KLK2: variants seen among roughly 807,000 people sequenced by gnomAD.
The protein encoded by KLK2 is kallikrein-2.
Under a neutral mutation model 23.0 loss-of-function variants are expected in KLK2, and 17 were observed. The observed-to-expected ratio is 0.74, with a 90% confidence interval of 0.51 to 1.11. The LOEUF (loss-of-function observed/expected upper bound fraction) is 1.11. KLK2 is among the 50% of genes least tolerant of loss of function. The pLI is 0.00. For missense variants in KLK2, 330 were observed against 325.9 expected, an observed-to-expected ratio of 1.01 and a Z score of -0.10; for synonymous variants, 140 against 124.7, an observed-to-expected ratio of 1.12 and a Z score of -0.82.
Position 50,873,505 on chromosome 19 carries a change from C to T in KLK2, c.32C>T (p.Ser11Phe), listed in dbSNP as rs774136702. Residue 11 changes from serine to phenylalanine, a missense_variant, in exon 1 of 5, where the codon TCT (serine) becomes TTT (phenylalanine). Coordinates refer to ENST00000325321, the MANE Select transcript of KLK2 (RefSeq NM_005551.5). MWDLVLSIAL[S>F]VGCTGAVPLI... Reference sequence around the variant, plus strand: ...GACCTGGTTCTCTCCATCGCCTTGTCTGTGGGGTGCACTGGTGAGATTGGG... The same window carrying T: ...GACCTGGTTCTCTCCATCGCCTTGTTTGTGGGGTGCACTGGTGAGATTGGG... The T allele has an allele frequency of 2.3e-5, 37 of 1,601,210 alleles. No individual in the cohort carries two copies. Among genetic ancestry groups the T allele is most frequent in the Non-Finnish European group, 2.7e-5 (32 of 1,172,412 alleles).
intron 2 of KLK2, 45 bp from the exon 3 acceptor site, chr19:50,876,427 T>G (rs2123480571): frequency 6.3e-7 from 1 of 1,585,112 alleles, no homozygotes; most frequent in South Asian, 1.1e-5. Context: ...CATCTACCTT[T>G]CCCCATTTTC....
At position 50,878,737 on chromosome 19, in the gene KLK2, G is replaced by A; in HGVS notation, c.*178G>A. ...TGGAGTCCAGGGCTGCTAGGAAAAG[G>A]AATGGGCAGACACAGGTGTATGCCA... On this transcript the variant is annotated 3_prime_UTR_variant, in exon 5 of 5. Transcript: ENST00000325321. 1 of 563,728 alleles carries A rather than the reference G, an allele frequency of 1.8e-6. No homozygotes were observed. 34.9% of individuals were successfully genotyped at this position (563,728 alleles called of 1,614,324 possible).
Position 50,879,161 on chromosome 19 carries a change from TC to T in KLK2, c.*607del. ...ATTAATTACAGGAGGTTTGTTCAGGTCCCCCAAACCACCGTCAGATTTGATG... is the reference window on the plus strand; with the variant it reads ...ATTAATTACAGGAGGTTTGTTCAGGTCCCCAAACCACCGTCAGATTTGATG... On this transcript the variant is annotated 3_prime_UTR_variant, in exon 5 of 5. Transcript: ENST00000325321. 4.3e-6 allele frequency: 1 copy of T among 232,946 alleles called. No homozygotes were observed. Among genetic ancestry groups the T allele is most frequent in the Non-Finnish European group, 8.5e-6 (1 of 117,924 alleles). The allele number at this position is 232,946 out of a possible 1,614,324, so 14.4% of individuals were successfully genotyped here. A position where few individuals can be genotyped will look rare whatever the true frequency, so the allele number is the denominator to read the frequency against.
In KLK2 at chr19:50,874,845, C is replaced by G. The variant is rs748085723; in HGVS notation, c.171C>G (p.Pro57=). 2 of 1,613,194 alleles carry G rather than the reference C, an allele frequency of 1.2e-6. No homozygotes were observed. The highest frequency in any genetic ancestry group is 2.2e-5 in the East Asian group (1 of 44,824). ...ACTGTGGGGGTGTCCTGGTGCACCC[C>G]CAGTGGGTGCTCACAGCTGCCCATT... ...WAHCGGVLVH[P]QWVLTAAHCL... is the part of the protein sequence containing the mutation. Residue 57 remains proline, a synonymous_variant, in exon 2 of 5, where the codon CCC becomes CCG. Coordinates refer to ENST00000325321, the MANE Select transcript of KLK2 (RefSeq NM_005551.5).
At position 50,873,547 on chromosome 19, in the gene KLK2, G is replaced by A. The variant is rs1232776863; in HGVS notation, c.46+28G>A. ...GAGATTGGGGGGATAAAGGAAGGGGGGCGGGTTCTGACTCTTATGCTGAAG... is the reference window on the plus strand; with the variant it reads ...GAGATTGGGGGGATAAAGGAAGGGGAGCGGGTTCTGACTCTTATGCTGAAG... On this transcript the variant is annotated intron_variant, in intron 1 of 4. Transcript: ENST00000325321. 6.7e-6 allele frequency: 8 copies of A among 1,185,292 alleles called. No homozygotes were observed. In the East Asian group the frequency reaches 9.6e-5, roughly 14 times the overall value. 73.4% of individuals were successfully genotyped at this position (1,185,292 alleles called of 1,614,324 possible). A position where few individuals can be genotyped will look rare whatever the true frequency, so the allele number is the denominator to read the frequency against.
At chr19:50,874,508 CAGAGCATGA>C (rs1374604136) in intron 1 of KLK2, 2 of 494,660 alleles carry the variant, frequency 4.0e-6, no homozygotes, top group Non-Finnish European at 7.2e-6. Flanking sequence ...GCTCCGTTCT[CAGAGCATGA>C]AGCCTCCCGA....
rs2090286475 is a variant in KLK2 at position 50,876,340 on chromosome 19, T to C, written c.207-132T>C. The stretch of plus-strand genomic sequence containing the variant: ...CTCACTGTCTGTATTTCACCACGAC[T>C]ATATCTCCCCGACCCCTGTGCTTTT... On this transcript the variant is annotated intron_variant, in intron 2 of 4. Transcript: ENST00000325321. 5.4e-6 allele frequency: 4 copies of C among 745,398 alleles called. No individual in the cohort carries two copies. The South Asian group carries it at 7.4e-5, about 14-fold the overall frequency. The allele number at this position is 745,398 out of a possible 1,614,324, so 46.2% of individuals were successfully genotyped here. A position where few individuals can be genotyped will look rare whatever the true frequency, so the allele number is the denominator to read the frequency against.
rs143418432 is a variant in KLK2, at chr19:50,876,589, T to C, written c.324T>C (p.His108=). 3 of 1,614,040 alleles carry C rather than the reference T, an allele frequency of 1.9e-6. No homozygotes were observed. Among genetic ancestry groups the C allele is most frequent in the Admixed American group, 3.3e-5 (2 of 60,006 alleles). The change falls in exon 3 of 5, where the codon CAT becomes CAC. Residue 108 remains histidine (H), a synonymous_variant. Transcript: ENST00000325321. ...TCTACAATATGAGCCTTCTGAAGCA[T>C]CAAAGCCTTAGACCAGATGAAGACT... ...HPLYNMSLLK[H]QSLRPDEDSS...
rs747100066 is a variant in KLK2, at chr19:50,876,738, G to T, written c.473G>T (p.Gly158Val). ...LGTTCYASGW[G>V]SIEPEEFLRP... ...ACCACCTGCTACGCCTCAGGCTGGG[G>T]CAGCATCGAACCAGAGGAGTGTACG... The change falls in exon 3 of 5, where the codon GGC becomes GTC. Residue 158 changes from glycine (G) to valine (V), a missense_variant. Coordinates refer to ENST00000325321, the MANE Select transcript of KLK2 (RefSeq NM_005551.5). The T allele has an allele frequency of 2.6e-5, 42 of 1,614,072 alleles. 1 individual carries two copies. The highest frequency in any genetic ancestry group is 1.1e-4 in the East Asian group (5 of 44,880).
intron 2 of KLK2, 36 bp from the exon 3 acceptor site, chr19:50,876,436 T>C (rs1222455243): frequency 1.2e-6 from 2 of 1,603,554 alleles, no homozygotes; most frequent in Non-Finnish European, 1.7e-6. Flanking sequence ...TTCCCCATTT[T>C]CTCTCTCCTC....
rs1310283253 is a variant in KLK2 at position 50,878,566 on chromosome 19, CT to C, written c.*8del. ...CATCGCAGCCAACCCCTGAGTGCCC[CT>C]GTCCCACCCCTACCTCTAGTAAATT... On this transcript the variant is annotated 3_prime_UTR_variant, in exon 5 of 5. Coordinates refer to ENST00000325321, the MANE Select transcript of KLK2 (RefSeq NM_005551.5). The C allele has an allele frequency of 2.8e-5, 45 of 1,608,600 alleles. No homozygotes were observed. Among genetic ancestry groups the C allele is most frequent in the Non-Finnish European group, 3.7e-5 (44 of 1,175,864 alleles).
Position 50,876,637 on chromosome 19 carries a change from C to T in KLK2, c.372C>T (p.Leu124=), listed in dbSNP as rs198972. 0.34 allele frequency: 547,255 copies of T among 1,613,856 alleles called. 96,744 individuals carry two copies. Among genetic ancestry groups the T allele is most frequent in the African/African-American group, 0.61 (45,719 of 74,952 alleles). The change falls in exon 3 of 5, where the codon CTC becomes CTT. Residue 124 remains leucine, a synonymous_variant. Coordinates refer to ENST00000325321, the MANE Select transcript of KLK2 (RefSeq NM_005551.5). ...DEDSSHDLML[L]RLSEPAKITD... The stretch of plus-strand genomic sequence containing the variant: ...ACTCCAGCCATGACCTCATGCTGCT[C>T]CGCCTGTCAGAGCCTGCCAAGATCA...
rs2090251513 is a variant in KLK2, at chr19:50,873,492, T to C, written c.19T>C (p.Ser7Pro). MWDLVL[S>P]IALSVGCTGA... ...TGTCAGCATGTGGGACCTGGTTCTC[T>C]CCATCGCCTTGTCTGTGGGGTGCAC... is the stretch of plus-strand genomic sequence containing the variant. The change falls in exon 1 of 5, where the codon TCC (serine) becomes CCC (proline). Residue 7 changes from serine (S) to proline (P), a missense_variant. Physicochemically the swap from Ser to Pro is moderately conservative, Grantham distance 74. Transcript: ENST00000325321. 1.2e-6 allele frequency: 2 copies of C among 1,601,838 alleles called. No homozygotes were observed. The highest frequency in any genetic ancestry group is 1.3e-5 in the African/African-American group (1 of 74,508).
intron 4 of KLK2, among the ~76,000 whole-genome samples, chr19:50,878,016 C>T (rs2090306868): frequency 6.6e-6 from 1 of 152,130 alleles, no homozygotes; most frequent in African/African-American, 2.4e-5. Flanking sequence ...TCCATGGCTC[C>T]CCAATGCCCT....
chr19:50,874,740 G>C lies in KLK2; in HGVS notation c.66G>C (p.Gln22His). ...VGCTGAVPLI[Q>H]SRIVGGWECE... The stretch of plus-strand genomic sequence containing the variant: ...CCGCAGGTGCCGTGCCCCTCATCCA[G>C]TCTCGGATTGTGGGAGGCTGGGAGT... Residue 22 changes from glutamine (Q) to histidine (H), a missense_variant, in exon 2 of 5, where the codon CAG becomes CAC. Coordinates refer to ENST00000325321, the MANE Select transcript of KLK2 (RefSeq NM_005551.5). 6.2e-7 allele frequency: 1 copy of C among 1,612,244 alleles called. No individual in the cohort carries two copies. The highest frequency in any genetic ancestry group is 8.5e-7 in the Non-Finnish European group (1 of 1,179,490).
At chr19:50,875,418 C>T (rs1221094608) in intron 2 of KLK2, among the ~76,000 whole-genome samples, 1 of 152,216 alleles carries the variant, frequency 6.6e-6, no homozygotes, top group Non-Finnish European at 1.5e-5. Flanking sequence ...GACATCCCTC[C>T]ACCCTGGGGA....
intron 4 of KLK2, chr19:50,877,376 G>T (rs983549210): frequency 6.1e-5 from 18 of 294,128 alleles, no homozygotes; most frequent in African/African-American, 3.7e-4. Context: ...ACATGGAAAT[G>T]CTGGAGGGTG....
intron 4 of KLK2, chr19:50,877,454 C>G (rs939539308): frequency 9.4e-6 from 2 of 213,240 alleles, no homozygotes; most frequent in African/African-American, 2.3e-5. Flanking sequence ...GGACATCCTG[C>G]AGAAGGTAGG....
At position 50,873,445 on chromosome 19, in the gene KLK2, AC is replaced by A; in HGVS notation, c.-27del. The stretch of plus-strand genomic sequence containing the variant: ...AGGGAGGCCCCCCAGCCCCAAACTC[AC>A]CACCTGGCCGTGGACACCTGTGTCA... On this transcript the variant is annotated 5_prime_UTR_variant, in exon 1 of 5. Transcript: ENST00000325321. 6.3e-7 allele frequency: 1 copy of A among 1,579,162 alleles called. No homozygotes were observed. Among genetic ancestry groups the A allele is most frequent in the Non-Finnish European group, 8.6e-7 (1 of 1,159,284 alleles).
Sources: allele counts gnomAD v4.1 joint callset (sites outside exome capture counted in the v4.1 genomes callset), GRCh38; gene constraint gnomAD v4.1.1; transcripts MANE v1.5; gene names NCBI Gene and HGNC (gene_info 2026-07-23, HGNC 2026-07-21).